LSAMP: variants seen among roughly 807,000 people sequenced by gnomAD.
LSAMP encodes the protein limbic system-associated membrane protein.
LSAMP carries 7 observed loss-of-function variants against 38.6 expected under a neutral mutation model. The observed-to-expected ratio is 0.18, with a 90% CI of 0.10 to 0.34. The LOEUF is 0.34. Ranked by LOEUF, LSAMP falls within the 10% of genes least tolerant of loss-of-function variation. The pLI, the probability that LSAMP is intolerant of heterozygous loss-of-function variation, is 1.00. For synonymous variants in LSAMP, 154 were observed against 166.8 expected (o/e 0.92, Z 0.59); for missense variants, 313 against 420.0 (o/e 0.75, Z 2.23).
chr3:115,865,302 AC>A (rs997349230), intron 3 of LSAMP, among the ~76,000 whole-genome samples: 38 of 152,266 alleles, frequency 2.5e-4, no homozygotes, highest in African/African-American at 8.9e-4. Flanking sequence ...TTTAAAAATT[AC>A]CCCTTTGAAC....
chr3:116,155,633 GTGTATA>G (rs1308502645), intron 1 of LSAMP, among the ~76,000 whole-genome samples: 30 of 105,928 alleles, frequency 2.8e-4, no homozygotes, highest in Admixed American at 9.9e-4. Flanking sequence ...GTGTGTGTGT[GTGTATA>G]TGTGTGTGTG....
chr3:115,823,998 C>T (rs898617424), intron 6 of LSAMP, among the ~76,000 whole-genome samples: 1 of 152,218 alleles, frequency 6.6e-6, no homozygotes, highest in African/African-American at 2.4e-5. Flanking sequence ...AGAGCAGTCT[C>T]ACTAAACACT....
chr3:116,085,748 A>G (rs528535910), intron 2 of LSAMP, among the ~76,000 whole-genome samples: 1 of 152,318 alleles, frequency 6.6e-6, no homozygotes, highest in Admixed American at 6.5e-5. Context: ...ATTGTCCCCA[A>G]TTACTTTGCA....
intron 3 of LSAMP, among the ~76,000 whole-genome samples, chr3:115,995,758 G>A (rs911661905): frequency 6.6e-6 from 1 of 151,996 alleles, no homozygotes; most frequent in Non-Finnish European, 1.5e-5. Flanking sequence ...GAAAACTCAT[G>A]TTACATTTGA....
intron 1 of LSAMP, among the ~76,000 whole-genome samples, chr3:116,303,059 T>G (rs1184543207): frequency 6.6e-6 from 1 of 152,130 alleles, no homozygotes; most frequent in Non-Finnish European, 1.5e-5. Flanking sequence ...AATTTTTTTT[T>G]GAACTATGAA....
At position 116,366,904 on chromosome 3, in the gene LSAMP, G is replaced by A. The variant is rs538971273; in HGVS notation, c.155+77973C>T. On this transcript the variant is annotated intron_variant, in intron 1 of 6. Coordinates refer to ENST00000490035, the MANE Select transcript of LSAMP (RefSeq NM_002338.5). ...TCCCACATTATCTTCCTGAGCCACC[G>A]CATTGCCTAGACCTTCACAAAATAT... is the stretch of plus-strand genomic sequence containing the variant. Among the ~76,000 whole-genome samples the A allele has an allele frequency of 1.2e-4, 19 of 152,206 alleles. No individual in the cohort carries two copies. In the South Asian group the frequency reaches 2.9e-3, roughly 23 times the overall value.
intron 3 of LSAMP, among the ~76,000 whole-genome samples, chr3:115,925,895 T>C (rs373730117): frequency 6.6e-6 from 1 of 152,050 alleles, no homozygotes. Context: ...CAAACCAAAA[T>C]TGTAAAATAG....
intron 1 of LSAMP, among the ~76,000 whole-genome samples, chr3:116,232,740 A>T (rs2046417760): frequency 8.7e-6 from 1 of 114,742 alleles, no homozygotes; most frequent in African/African-American, 3.1e-5. Flanking sequence ...TTGCTGCCAG[A>T]GGCAAGGAAG....
chr3:115,896,782 C>T (rs975501654), intron 3 of LSAMP, among the ~76,000 whole-genome samples: 1 of 152,086 alleles, frequency 6.6e-6, no homozygotes, highest in Non-Finnish European at 1.5e-5. Context: ...GTGGTCCGCA[C>T]ATTGTTATCC....
At position 115,879,322 on chromosome 3, in the gene LSAMP, A is replaced by T. The variant is rs4831203; in HGVS notation, c.515-26705T>A. The stretch of plus-strand genomic sequence containing the variant: ...TTACCCAAGCCATTGGAGACTTGGA[A>T]TATCATAAATACACAAATAAAACCC... On this transcript the variant is annotated intron_variant, in intron 3 of 6. Coordinates refer to ENST00000490035, the MANE Select transcript of LSAMP (RefSeq NM_002338.5). 1.0e-3 allele frequency among the ~76,000 whole-genome samples: 157 copies of T among 152,296 alleles called. 2 individuals are homozygous for T. The East Asian group carries it at 0.019, about 18-fold the overall frequency.
At position 115,923,119 on chromosome 3, in the gene LSAMP, C is replaced by G. The variant is rs1212087785; in HGVS notation, c.515-70502G>C. ...CTACAAAAGCTGTAGCAAGCTGCCT[C>G]TTTCCATGCTTCTGTGTTCTCAGTT... On this transcript the variant is annotated intron_variant, in intron 3 of 6. Transcript: ENST00000490035. Among the ~76,000 whole-genome samples the G allele has an allele frequency of 2.0e-5, 3 of 152,196 alleles. No homozygotes were observed. In the East Asian group the frequency reaches 5.8e-4, roughly 29 times the overall value.
chr3:116,070,720 G>T (rs1446858276), intron 2 of LSAMP, among the ~76,000 whole-genome samples: 1 of 152,148 alleles, frequency 6.6e-6, no homozygotes, highest in Non-Finnish European at 1.5e-5. Context: ...TGTGCAGGCA[G>T]CATTATCTTT....
chr3:115,945,562 A>C (rs1441632486), intron 3 of LSAMP, among the ~76,000 whole-genome samples: 1 of 152,148 alleles, frequency 6.6e-6, no homozygotes, highest in African/African-American at 2.4e-5. Flanking sequence ...GATCACCTTC[A>C]TACTCCTGCA....
intron 2 of LSAMP, among the ~76,000 whole-genome samples, chr3:116,029,996 G>T (rs887632282): frequency 6.6e-6 from 1 of 152,038 alleles, no homozygotes; most frequent in Non-Finnish European, 1.5e-5. Context: ...GAATTAGATG[G>T]CTCTAAATAA....
At chr3:116,203,696 C>T (rs2046023794) in intron 1 of LSAMP, among the ~76,000 whole-genome samples, 2 of 151,704 alleles carry the variant, frequency 1.3e-5, no homozygotes, top group Admixed American at 1.3e-4. Flanking sequence ...TGATGATTTC[C>T]AATTTCATCC....
At chr3:116,364,397 T>C (rs1434710639) in intron 1 of LSAMP, among the ~76,000 whole-genome samples, 1 of 17,366 alleles carries the variant, frequency 5.8e-5, no homozygotes, top group Admixed American at 7.3e-4. Context: ...TCCATGCTCA[T>C]GGGTAGGAAG....
In LSAMP at chr3:115,826,934, C is replaced by A. The variant is rs1421718761; in HGVS notation, c.919+14911G>T. On this transcript the variant is annotated intron_variant, in intron 6 of 6. Transcript: ENST00000490035. ...TGATCTCCCAACGGAAGACCAGCCTCCAATTAATGGGATCATTCCGTCTTT... is the reference window on the plus strand; with the variant it reads ...TGATCTCCCAACGGAAGACCAGCCTACAATTAATGGGATCATTCCGTCTTT... Among the ~76,000 whole-genome samples, 6 of 149,710 alleles carry A rather than the reference C, an allele frequency of 4.0e-5. No homozygotes were observed. In the South Asian group the frequency reaches 6.3e-4, roughly 16 times the overall value.
chr3:116,052,106 C>CTTCA (rs1254001683), intron 2 of LSAMP, among the ~76,000 whole-genome samples: 1 of 152,282 alleles, frequency 6.6e-6, no homozygotes, highest in African/African-American at 2.4e-5. Flanking sequence ...GATCCAAGTA[C>CTTCA]TTCAGCACTG....
rs190152079 is a variant in LSAMP, at chr3:116,115,873, G to C, written c.156-29317C>G. 2.7e-3 allele frequency among the ~76,000 whole-genome samples: 405 copies of C among 151,490 alleles called. 2 individuals carry two copies. The highest frequency in any genetic ancestry group is 9.4e-3 in the African/African-American group (387 of 41,350). Reference sequence around the variant, plus strand: ...TTTTTTTCCTACTTGGATTTTTCTTGGTTCTTCTCCTTATCCCATTATTCT... The same window carrying C: ...TTTTTTTCCTACTTGGATTTTTCTTCGTTCTTCTCCTTATCCCATTATTCT... On this transcript the variant is annotated intron_variant, in intron 1 of 6. Coordinates refer to ENST00000490035, the MANE Select transcript of LSAMP (RefSeq NM_002338.5).
Sources: allele counts gnomAD v4.1 joint callset (sites outside exome capture counted in the v4.1 genomes callset), GRCh38; gene constraint gnomAD v4.1.1; transcripts MANE v1.5; gene names NCBI Gene and HGNC (gene_info 2026-07-23, HGNC 2026-07-21).